The following SHOC2 variants were observed in gnomAD, a reference collection of about 807,000 sequenced individuals.
SHOC2 encodes leucine-rich repeat protein SHOC-2.
SHOC2 carries 4 observed loss-of-function variants against 50.2 expected under a neutral mutation model. The observed-to-expected ratio is 0.08, with a 90% CI of 0.04 to 0.18. The LOEUF (loss-of-function observed/expected upper bound fraction) is 0.18, where lower values mean the gene tolerates loss of function less well. Among genes scored for constraint, SHOC2 ranks in the 10% least tolerant of loss-of-function variants. The pLI, the probability that SHOC2 is intolerant of heterozygous loss-of-function variation, is 1.00. For synonymous variants in SHOC2, 218 were observed against 244.5 expected (o/e 0.89, Z 1.01); for missense variants, 388 against 669.6 (o/e 0.58, Z 4.64).
At chr10:110,999,736 C>CAAAAAAAAAAAAAAAAA (rs145780250) in intron 3 of SHOC2, among the ~76,000 whole-genome samples, 12 of 81,674 alleles carry the variant, frequency 1.5e-4, no homozygotes, top group Non-Finnish European at 1.8e-4. Context: ...GACTCAGTCT[C>CAAAAAAAAAAAAAAAAA]AAAAAAAAAA....
At chr10:110,977,347 G>A (rs1847896172) in intron 2 of SHOC2, among the ~76,000 whole-genome samples, 1 of 152,060 alleles carries the variant, frequency 6.6e-6, no homozygotes, top group Admixed American at 6.5e-5. Flanking sequence ...TGCCTTCTGG[G>A]TTCAAGCGAT....
At chr10:110,998,884 A>T (rs1281200820) in intron 3 of SHOC2, among the ~76,000 whole-genome samples, 1 of 152,230 alleles carries the variant, frequency 6.6e-6, no homozygotes, top group Non-Finnish European at 1.5e-5. Flanking sequence ...CCAAATAAGG[A>T]TCATGAGGCA....
rs1026930115 is a variant in SHOC2 at position 111,009,767 on chromosome 10, C to T, written c.1477C>T (p.Leu493Phe). The change falls in exon 8 of 9, where the codon CTT (leucine) becomes TTT (phenylalanine). Residue 493 changes from leucine to phenylalanine, a missense_variant. Around this residue, in one of 5 missense-constraint regions of SHOC2, gnomAD observed 130 missense variants for 208.6 expected, o/e 0.62. Coordinates refer to ENST00000369452, the MANE Select transcript of SHOC2 (RefSeq NM_007373.4). ...LTTLPRGIGH[L>F]TNLTHLGLGE... ...CACTCTTCCCAGAGGCATTGGTCAC[C>T]TTACTAATCTCACACATCTGGGCCT... is the stretch of plus-strand genomic sequence containing the variant. 1.2e-5 allele frequency: 20 copies of T among 1,613,338 alleles called. No individual in the cohort carries two copies. In the Admixed American group the frequency reaches 2.5e-4, roughly 20 times the overall value.
chr10:110,970,548 C>G (rs993836699), intron 2 of SHOC2, among the ~76,000 whole-genome samples: 3 of 151,758 alleles, frequency 2.0e-5, no homozygotes, highest in African/African-American at 7.3e-5. Context: ...GGATATATAC[C>G]CAGTAGTCAG....
intron 3 of SHOC2, among the ~76,000 whole-genome samples, chr10:110,994,685 A>C (rs1848240228): frequency 6.6e-6 from 1 of 152,244 alleles, no homozygotes; most frequent in Admixed American, 6.5e-5. Flanking sequence ...ACATAAACAT[A>C]AGAAATCCCT....
In SHOC2 at chr10:111,000,412, C is replaced by T. The variant is rs1485718634; in HGVS notation, c.842-3C>T. 24 of 1,613,458 alleles carry T rather than the reference C, an allele frequency of 1.5e-5. No homozygotes were observed. The highest frequency in any genetic ancestry group is 1.7e-5 in the Non-Finnish European group (20 of 1,179,712). Reference sequence around the variant, plus strand: ...AAATTTCTTTTTTTGTGTGTGTTTACAGGAAACCTGTCCAGTTTAAGTCGT... The same window carrying T: ...AAATTTCTTTTTTTGTGTGTGTTTATAGGAAACCTGTCCAGTTTAAGTCGT... On this transcript the variant is annotated splice_region_variant and splice_polypyrimidine_tract_variant and intron_variant, in intron 3 of 8. Coordinates refer to ENST00000369452, the MANE Select transcript of SHOC2 (RefSeq NM_007373.4).
At chr10:111,009,615 C>T (rs1848531763) in intron 7 of SHOC2, 98 bp from the exon 8 acceptor site, 6 of 858,520 alleles carry the variant, frequency 7.0e-6, no homozygotes, top group Non-Finnish European at 9.6e-6. Flanking sequence ...ATCTGGTTTC[C>T]CTGTTAATTT....
At chr10:110,930,735 CTTTTT>C (rs772553111) in intron 1 of SHOC2, among the ~76,000 whole-genome samples, 1 of 96,812 alleles carries the variant, frequency 1.0e-5, no homozygotes, top group African/African-American at 3.4e-5. Flanking sequence ...ACGAGTAAAT[CTTTTT>C]TTTTTTTTTT....
chr10:110,963,995 A>G (rs776502732), intron 1 of SHOC2, 130 bp from the exon 2 acceptor site: 8 of 404,344 alleles, frequency 2.0e-5, no homozygotes, highest in Non-Finnish European at 3.5e-5. Flanking sequence ...ATTTTTACCT[A>G]TAAAGGATGT....
At chr10:110,950,135 A>G (rs969106700) in intron 1 of SHOC2, among the ~76,000 whole-genome samples, 1 of 152,192 alleles carries the variant, frequency 6.6e-6, no homozygotes, top group Non-Finnish European at 1.5e-5. Context: ...ACATGATCTT[A>G]TATGTAGGAA....
chr10:110,924,819 C>T (rs1427435958), intron 1 of SHOC2, among the ~76,000 whole-genome samples: 2 of 152,038 alleles, frequency 1.3e-5, no homozygotes, highest in Non-Finnish European at 2.9e-5. Context: ...CCTATAATCC[C>T]TGCACTTTGA....
At chr10:110,996,480 A>G (rs1232670963) in intron 3 of SHOC2, among the ~76,000 whole-genome samples, 1 of 151,642 alleles carries the variant, frequency 6.6e-6, no homozygotes, top group Admixed American at 6.6e-5. Flanking sequence ...GAGAGCCATG[A>G]TTGCGCCACT....
intron 1 of SHOC2, among the ~76,000 whole-genome samples, chr10:110,952,517 C>T (rs1351488848): frequency 6.6e-6 from 1 of 152,032 alleles, no homozygotes; most frequent in South Asian, 2.1e-4. Flanking sequence ...CTATTCATCC[C>T]TCACTCCCCC....
chr10:110,986,971 A>G (rs1019500924), intron 3 of SHOC2, among the ~76,000 whole-genome samples: 2 of 152,148 alleles, frequency 1.3e-5, no homozygotes, highest in African/African-American at 4.8e-5. Flanking sequence ...GGCTAACTGG[A>G]TGACTATTTT....
chr10:110,933,114 G>A (rs534301968), intron 1 of SHOC2, among the ~76,000 whole-genome samples: 209 of 152,150 alleles, frequency 1.4e-3, no homozygotes, highest in African/African-American at 4.7e-3. Context: ...GATCTTTTAT[G>A]CATTCAGATT....
In SHOC2 at chr10:110,975,910, T is replaced by C. The variant is rs563058292; in HGVS notation, c.704-9718T>C. 2.0e-5 allele frequency among the ~76,000 whole-genome samples: 3 copies of C among 147,576 alleles called. No homozygotes were observed. The East Asian group carries it at 6.2e-4, about 31-fold the overall frequency. ...TTAGCACTCGTTGCTGGATCTTCTC[T>C]TCTTCTTTTTTTTTTGTGAGATGGA... On this transcript the variant is annotated intron_variant, in intron 2 of 8. Coordinates refer to ENST00000369452, the MANE Select transcript of SHOC2 (RefSeq NM_007373.4).
chr10:110,993,854 T>C (rs1427675835), intron 3 of SHOC2, among the ~76,000 whole-genome samples: 1 of 152,194 alleles, frequency 6.6e-6, no homozygotes, highest in African/African-American at 2.4e-5. Flanking sequence ...AGTTTTTTAG[T>C]TTTCAGTGAG....
chr10:110,941,375 A>C (rs893843761), intron 1 of SHOC2, among the ~76,000 whole-genome samples: 1 of 151,910 alleles, frequency 6.6e-6, no homozygotes, highest in Non-Finnish European at 1.5e-5. Flanking sequence ...TCTGTTGCCC[A>C]GGCTGGAGTG....
intron 2 of SHOC2, among the ~76,000 whole-genome samples, chr10:110,974,591 T>G (rs1053657415): frequency 6.6e-6 from 1 of 152,162 alleles, no homozygotes; most frequent in African/African-American, 2.4e-5. Flanking sequence ...CTCTCTTTTC[T>G]TATGGATTAA....
Sources: allele counts gnomAD v4.1 joint callset (sites outside exome capture counted in the v4.1 genomes callset), GRCh38; gene constraint gnomAD v4.1.1; regional missense constraint gnomAD v4.1.1; transcripts MANE v1.5; gene names NCBI Gene and HGNC (gene_info 2026-07-23, HGNC 2026-07-21).